The following TBX5 variants were observed in gnomAD, a reference collection of about 807,000 sequenced individuals.
TBX5 encodes the protein T-box transcription factor 5.
TBX5 carries 8 observed loss-of-function variants against 51.1 expected under a neutral mutation model. The ratio of observed to expected loss-of-function variants is 0.16; its 90% CI spans 0.09 to 0.28. The LOEUF is 0.28. TBX5 is among the 10% of genes least tolerant of loss of function. The pLI, the probability that TBX5 is intolerant of heterozygous loss-of-function variation, is 1.00. For missense variants in TBX5, 589 were observed against 671.7 expected (o/e 0.88, Z 1.36); for synonymous variants, 302 against 266.4 (o/e 1.13, Z -1.30).
At position 114,403,803 on chromosome 12, in the gene TBX5, G is replaced by T. The variant is rs1318490516; in HGVS notation, c.96C>A (p.Leu32=). ...ACGACGGGGACTTGCTGGGGGCCCC[G>T]AGCGCGCTCTCGGGTTTCGAATCGC... The part of the protein sequence containing the change: ...LPCDSKPESA[L]GAPSKSPSSP... Residue 32 remains leucine, a synonymous_variant, in exon 2 of 9, where the codon CTC becomes CTA. Coordinates refer to ENST00000405440, the MANE Select transcript of TBX5 (RefSeq NM_181486.4). The T allele has an allele frequency of 6.2e-7, 1 of 1,614,070 alleles. No homozygotes were observed. Among genetic ancestry groups the T allele is most frequent in the Non-Finnish European group, 8.5e-7 (1 of 1,180,028 alleles).
intron 6 of TBX5, among the ~76,000 whole-genome samples, chr12:114,388,640 C>A (rs1014945973): frequency 1.3e-5 from 2 of 151,038 alleles, no homozygotes; most frequent in African/African-American, 4.9e-5. Context: ...ACTATTCCTA[C>A]CCTAAAGTTT....
At chr12:114,375,584 G>C (rs571992381) in intron 7 of TBX5, among the ~76,000 whole-genome samples, 1 of 152,150 alleles carries the variant, frequency 6.6e-6, no homozygotes, top group Non-Finnish European at 1.5e-5. Context: ...AGCCACATGA[G>C]ATATATCACC....
Position 114,401,886 on chromosome 12 carries a change from C to T in TBX5, c.182G>A (p.Arg61Lys), listed in dbSNP as rs1386360765. The part of the protein sequence containing the change: ...MEGIKVFLHE[R>K]ELWLKFHEVG... ...TTCGTGGAATTTTAGCCACAGTTCT[C>T]TTTCATGGAGAAACACTTTGATTCC... The change falls in exon 3 of 9, where the codon AGA becomes AAA. Residue 61 changes from arginine to lysine, a missense_variant. Arg to Lys is a conservative substitution (Grantham distance 26, BLOSUM62 2). This residue lies in a region of TBX5 where 101 missense variants were observed against 83.3 expected (regional missense o/e 1.21). Transcript: ENST00000405440. 1 of 1,614,196 alleles carries T rather than the reference C, an allele frequency of 6.2e-7. No individual in the cohort carries two copies. Among genetic ancestry groups the T allele is most frequent in the Non-Finnish European group, 8.5e-7 (1 of 1,180,042 alleles).
chr12:114,407,028 G>A, upstream of TBX5: 1 of 985,100 alleles, frequency 1.0e-6, no homozygotes, highest in Non-Finnish European at 1.2e-6. Context: ...ATTTTTCTAG[G>A]GTTCTGATAA....
At chr12:114,366,087 C>A (rs1565927514) in intron 8 of TBX5, 78 bp downstream of exon 8, 2 of 1,374,350 alleles carry the variant, frequency 1.5e-6, no homozygotes, top group Non-Finnish European at 2.1e-6. Flanking sequence ...AATGAATACT[C>A]CTCACCCCCT....
chr12:114,376,576 T>C (rs1337525273), intron 7 of TBX5, among the ~76,000 whole-genome samples: 1 of 151,790 alleles, frequency 6.6e-6, no homozygotes, highest in African/African-American at 2.4e-5. Flanking sequence ...AGAGCTAACG[T>C]ACAGCAATGT....
chr12:114,396,848 G>A (rs1871462102), intron 5 of TBX5, among the ~76,000 whole-genome samples: 1 of 152,192 alleles, frequency 6.6e-6, no homozygotes, highest in African/African-American at 2.4e-5. Context: ...GCCTACACAA[G>A]CTGAATTTAC....
intron 6 of TBX5, among the ~76,000 whole-genome samples, chr12:114,387,532 G>A (rs2136400678): frequency 6.6e-6 from 1 of 152,338 alleles, no homozygotes; most frequent in East Asian, 1.9e-4. Context: ...AATAGGCAGA[G>A]CCCAGAGGAT....
chr12:114,384,299 A>G (rs891597486), intron 7 of TBX5, among the ~76,000 whole-genome samples: 1 of 151,390 alleles, frequency 6.6e-6, no homozygotes, highest in African/African-American at 2.4e-5. Context: ...ATTTGGAGAC[A>G]GGGTCTTGCT....
chr12:114,370,293 A>C (rs7358746), intron 7 of TBX5, among the ~76,000 whole-genome samples: 75,779 of 128,394 alleles, frequency 0.59, 22,672 homozygotes, highest in Non-Finnish European at 0.66. Flanking sequence ...GAAAAGAAAG[A>C]AAAGAAAAGA....
intron 7 of TBX5, among the ~76,000 whole-genome samples, chr12:114,379,154 T>C (rs975263918): frequency 6.6e-6 from 1 of 152,184 alleles, no homozygotes; most frequent in African/African-American, 2.4e-5. Context: ...CACCATCTGA[T>C]GGTCAGCAAG....
At chr12:114,359,169 A>G (rs996062299) in intron 8 of TBX5, among the ~76,000 whole-genome samples, 1 of 152,238 alleles carries the variant, frequency 6.6e-6, no homozygotes, top group Non-Finnish European at 1.5e-5. Flanking sequence ...TTAATACCCC[A>G]AAGATCTAAT....
chr12:114,361,032 C>A (rs1869213401), intron 8 of TBX5, among the ~76,000 whole-genome samples: 1 of 152,126 alleles, frequency 6.6e-6, no homozygotes, highest in South Asian at 2.1e-4. Flanking sequence ...TCCACCATGT[C>A]CTCCACTTAT....
At chr12:114,370,583 C>G (rs1209978488) in intron 7 of TBX5, among the ~76,000 whole-genome samples, 1 of 152,098 alleles carries the variant, frequency 6.6e-6, no homozygotes, top group Non-Finnish European at 1.5e-5. Flanking sequence ...TGGCCGCCTT[C>G]CCTCAGTGTC....
intron 8 of TBX5, among the ~76,000 whole-genome samples, chr12:114,365,216 A>G (rs1232606122): frequency 6.6e-6 from 1 of 151,920 alleles, no homozygotes; most frequent in Non-Finnish European, 1.5e-5. Flanking sequence ...CAGGAAAAAA[A>G]AAAAAAGAGT....
At chr12:114,394,986 G>T in intron 5 of TBX5, 93 bp from the exon 6 acceptor site, 2 of 1,267,484 alleles carry the variant, frequency 1.6e-6, no homozygotes, top group Non-Finnish European at 2.3e-6. Context: ...AATTCGCCTT[G>T]TTATATCGGC....
chr12:114,399,711 G>C, intron 3 of TBX5, 79 bp from the exon 4 acceptor site: 2 of 1,605,690 alleles, frequency 1.2e-6, no homozygotes, highest in Admixed American at 1.7e-5. Context: ...CCATTTTAAG[G>C]GAAAAAGCAA....
chr12:114,360,963 C>T (rs1208565525), intron 8 of TBX5, among the ~76,000 whole-genome samples: 4 of 152,190 alleles, frequency 2.6e-5, no homozygotes, highest in Non-Finnish European at 4.4e-5. Context: ...AATTTACTTA[C>T]TGGCTTATTA....
chr12:114,355,881 C>T lies in TBX5; in HGVS notation c.1208G>A (p.Ser403Asn), dbSNP rs773568096. Residue 403 changes from serine (S) to asparagine (N), a missense_variant, in exon 9 of 9, where the codon AGC (serine) becomes AAC (asparagine). Physicochemically the swap from Ser to Asn is conservative, Grantham distance 46 (BLOSUM62 1). Around this residue, in one of 7 missense-constraint regions of TBX5, gnomAD observed 348 missense variants for 360.4 expected, o/e 0.97. Coordinates refer to ENST00000405440, the MANE Select transcript of TBX5 (RefSeq NM_181486.4). The stretch of plus-strand genomic sequence containing the variant: ...GGTGCAGCTGCTGTAGGAAGGCATG[C>T]TTGGCCACGTGTTGCAGCTGATGTC... The part of the protein sequence containing the change: ...LEDISCNTWP[S>N]MPSYSSCTVT... The T allele has an allele frequency of 1.2e-6, 2 of 1,613,576 alleles. No individual in the cohort carries two copies. Among genetic ancestry groups the T allele is most frequent in the Non-Finnish European group, 1.7e-6 (2 of 1,180,030 alleles).
Sources: gnomAD v4.1 joint callset for allele counts (sites outside exome capture counted in the v4.1 genomes callset) on GRCh38, gnomAD v4.1.1 for gene constraint, gnomAD v4.1.1 regional missense constraint, MANE v1.5 for transcripts, NCBI Gene and HGNC (gene_info 2026-07-23, HGNC 2026-07-21) for gene names.